The following BANP variants were observed in gnomAD, a reference collection of about 807,000 sequenced individuals.
The protein encoded by BANP is protein BANP.
In BANP, 11 loss-of-function variants were observed where a neutral mutation model predicts 68.1. The observed-to-expected ratio is 0.16, with a 90% CI of 0.10 to 0.27. BANP has a LOEUF of 0.27. BANP is among the 10% of genes least tolerant of loss of function. BANP has a pLI of 1.00. For missense variants in BANP, 504 were observed against 722.7 expected (o/e 0.70, Z 3.47); for synonymous variants, 329 against 303.2 (o/e 1.09, Z -0.88).
chr16:88,027,475 C>T lies in BANP; in HGVS notation c.896-8C>T. On this transcript the variant is annotated splice_region_variant and splice_polypyrimidine_tract_variant and intron_variant, in intron 7 of 13. Coordinates refer to ENST00000682872, the MANE Select transcript of BANP (RefSeq NM_001386991.1). ...CCTCACCGCTTCTCCTTGGATGTGTCCTTCCAGGTCACCTTTTCTATAAAT... is the reference window on the plus strand; with the variant it reads ...CCTCACCGCTTCTCCTTGGATGTGTTCTTCCAGGTCACCTTTTCTATAAAT... The T allele has an allele frequency of 1.2e-6, 2 of 1,613,242 alleles. No individual in the cohort carries two copies. The highest frequency in any genetic ancestry group is 1.7e-6 in the Non-Finnish European group (2 of 1,179,818).
Position 88,004,307 on chromosome 16 carries a change from G to A in BANP, c.375G>A (p.Gln125=), listed in dbSNP as rs780358847. The part of the protein sequence containing the change: ...TCNKVRCVVP[Q]TTVILNNDRQ... ...TTTTGTTCCCTAGCGTCGTCCCCCA[G>A]ACTACAGTAATACTCAACAATGATC... The change falls in exon 5 of 14, where the codon CAG becomes CAA. Residue 125 remains glutamine (Q), a synonymous_variant. Coordinates refer to ENST00000682872, the MANE Select transcript of BANP (RefSeq NM_001386991.1). This position sits in a 1 kb window ranked among gnomAD's most constrained non-coding sequence, Gnocchi z 7.0. 6.5e-7 allele frequency: 1 copy of A among 1,545,120 alleles called. No individual in the cohort carries two copies. The highest frequency in any genetic ancestry group is 1.2e-5 in the South Asian group (1 of 83,936).
At chr16:88,059,035 C>T (rs72818561) in intron 11 of BANP, among the ~76,000 whole-genome samples, 13,391 of 149,088 alleles carry the variant, frequency 0.09, 1,293 homozygotes, top group African/African-American at 0.23. Flanking sequence ...GTTGCCTGGT[C>T]GGAACCCCTG....
chr16:87,978,586 G>T (rs867018062), intron 2 of BANP: 1 of 469,516 alleles, frequency 2.1e-6, no homozygotes, highest in Admixed American at 2.4e-5. Flanking sequence ...GGTGGAGATG[G>T]TTGATGCGCT....
At chr16:88,025,337 T>G (rs1404725238) in intron 7 of BANP, among the ~76,000 whole-genome samples, 1 of 152,252 alleles carries the variant, frequency 6.6e-6, no homozygotes, top group Non-Finnish European at 1.5e-5. Context: ...AGCCAGCGGC[T>G]GGGTTCCTCT....
At chr16:87,955,580 C>T (rs562596604) in intron 1 of BANP, among the ~76,000 whole-genome samples, 7 of 152,294 alleles carry the variant, frequency 4.6e-5, no homozygotes, top group African/African-American at 1.7e-4. Flanking sequence ...TTTCGGGATC[C>T]CCTCCGGGAC....
In BANP at chr16:88,069,142, G is replaced by A. The variant is rs572026802; in HGVS notation, c.1378-2927G>A. On this transcript the variant is annotated intron_variant, in intron 12 of 13. Transcript: ENST00000682872. Reference sequence around the variant, plus strand: ...CGTCAGGCTGGGTTCTGAATGGCGCGCTGTCGCTGCGGGACCTCGGGGCCT... The same window carrying A: ...CGTCAGGCTGGGTTCTGAATGGCGCACTGTCGCTGCGGGACCTCGGGGCCT... 2.6e-5 allele frequency among the ~76,000 whole-genome samples: 4 copies of A among 152,268 alleles called. No individual in the cohort carries two copies. The South Asian group carries it at 8.3e-4, about 32-fold the overall frequency.
chr16:88,074,370 G>T (rs925785546), intron 13 of BANP, among the ~76,000 whole-genome samples: 15 of 152,198 alleles, frequency 9.9e-5, no homozygotes, highest in African/African-American at 3.6e-4. Context: ...GCTGGCCTGT[G>T]GGGGTGGCCA....
chr16:88,009,773 C>T (rs113016915), intron 6 of BANP, among the ~76,000 whole-genome samples: 6 of 149,394 alleles, frequency 4.0e-5, no homozygotes, highest in Middle Eastern at 3.7e-3. Context: ...ATAAGAAGGA[C>T]GCTAACTCTC....
At chr16:88,032,005 T>C (rs1465473744) in intron 8 of BANP, among the ~76,000 whole-genome samples, 1 of 152,060 alleles carries the variant, frequency 6.6e-6, no homozygotes, top group Non-Finnish European at 1.5e-5. Context: ...GGGTTCACCA[T>C]GTTGGTCAGG....
rs377172994 is a variant in BANP, at chr16:88,071,185, G to T, written c.1378-884G>T. ...GTGAGACTCTCAGTGCACAGAGTGC[G>T]GTTCTGTGTGGAGGTGTGGGATGCA... is the stretch of plus-strand genomic sequence containing the variant. On this transcript the variant is annotated intron_variant, in intron 12 of 13. Coordinates refer to ENST00000682872, the MANE Select transcript of BANP (RefSeq NM_001386991.1). This position sits in a 1 kb window ranked among gnomAD's most constrained non-coding sequence, Gnocchi z 6.5. 14 of 336,192 alleles carry T rather than the reference G, an allele frequency of 4.2e-5. No individual in the cohort carries two copies. The highest frequency in any genetic ancestry group is 1.7e-4 in the Admixed American group (4 of 22,898). 20.8% of individuals were successfully genotyped at this position (336,192 alleles called of 1,614,324 possible). A position where few individuals can be genotyped will look rare whatever the true frequency, so the allele number is the denominator to read the frequency against.
At chr16:88,074,219 C>T (rs879293334) in intron 13 of BANP, among the ~76,000 whole-genome samples, 1 of 152,332 alleles carries the variant, frequency 6.6e-6, no homozygotes, top group African/African-American at 2.4e-5. Flanking sequence ...GCCCCCACCC[C>T]AGTCATGCTT....
chr16:87,967,298 G>C (rs556959392), intron 1 of BANP, among the ~76,000 whole-genome samples: 1 of 138,716 alleles, frequency 7.2e-6, no homozygotes, highest in African/African-American at 2.7e-5. Flanking sequence ...TAGTAGAGAC[G>C]GGGTTTCACC....
intron 2 of BANP, among the ~76,000 whole-genome samples, chr16:87,976,834 C>T (rs559669272): frequency 6.6e-6 from 1 of 152,280 alleles, no homozygotes; most frequent in East Asian, 1.9e-4. Context: ...GTTTTCCACA[C>T]CATCATTGCA....
intron 7 of BANP, among the ~76,000 whole-genome samples, chr16:88,019,025 C>G (rs1352423402): frequency 2.7e-5 from 2 of 75,336 alleles, no homozygotes; most frequent in Non-Finnish European, 4.4e-5. Context: ...CACGCTGACC[C>G]AGGCCCCCCT....
rs1291574942 is a variant in BANP at position 88,071,318 on chromosome 16, A to C, written c.1378-751A>C. The C allele has an allele frequency of 1.1e-5, 4 of 370,390 alleles. No individual in the cohort carries two copies. The Admixed American group carries it at 1.4e-4, about 13-fold the overall frequency. The allele number at this position is 370,390 out of a possible 1,614,324, so 22.9% of individuals were successfully genotyped here. A position where few individuals can be genotyped will look rare whatever the true frequency, so the allele number is the denominator to read the frequency against. ...CCACCCGCCTGCCTGGGCCGTCTTG[A>C]CACCGGAGCTGCCTGCCTGGATGTT... On this transcript the variant is annotated intron_variant, in intron 12 of 13. Coordinates refer to ENST00000682872, the MANE Select transcript of BANP (RefSeq NM_001386991.1). This position sits in a 1 kb window ranked among gnomAD's most constrained non-coding sequence, Gnocchi z 6.5.
At chr16:87,959,685 G>A (rs1049166231) in intron 1 of BANP, among the ~76,000 whole-genome samples, 1 of 152,186 alleles carries the variant, frequency 6.6e-6, no homozygotes, top group Non-Finnish European at 1.5e-5. Flanking sequence ...CCAGATCGGA[G>A]TGTGTGTGGC....
At chr16:88,059,310 C>T (rs542558238) in intron 11 of BANP, among the ~76,000 whole-genome samples, 184 of 152,008 alleles carry the variant, frequency 1.2e-3, no homozygotes, top group African/African-American at 3.9e-3. Flanking sequence ...TCCCTCTCGG[C>T]AGTGCTTGCT....
At chr16:88,015,321 C>T (rs1427101629) in intron 6 of BANP, among the ~76,000 whole-genome samples, 6 of 144,580 alleles carry the variant, frequency 4.1e-5, no homozygotes, top group Middle Eastern at 7.8e-3. Context: ...CCCCTCAGCT[C>T]GTGCCCTCTG....
At position 88,037,996 on chromosome 16, in the gene BANP, G is replaced by A. The variant is rs772483207; in HGVS notation, c.1296G>A (p.Val432=). The change falls in exon 11 of 14, where the codon GTG becomes GTA. Residue 432 remains valine (V), a synonymous_variant. Transcript: ENST00000682872. ...DSEGNLQIHH[V]GQDGQLLEAT... ...AGGGCAACCTCCAGATCCATCACGT[G>A]GGGCAGGACGGTCAGGTGAGTGTCC... 1.1e-5 allele frequency: 17 copies of A among 1,613,936 alleles called. No homozygotes were observed. The South Asian group carries it at 1.9e-4, about 18-fold the overall frequency.
Sources: gnomAD v4.1 joint callset for allele counts (sites outside exome capture counted in the v4.1 genomes callset) on GRCh38, gnomAD v4.1.1 for gene constraint, Gnocchi (gnomAD v3.1) non-coding constraint, MANE v1.5 for transcripts, NCBI Gene and HGNC (gene_info 2026-07-23, HGNC 2026-07-21) for gene names.